SLC16A7: variants seen among roughly 807,000 people sequenced by gnomAD.
The protein encoded by SLC16A7 is monocarboxylate transporter 2.
SLC16A7 carries 33 observed loss-of-function variants against 34.9 expected under a neutral mutation model. The ratio of observed to expected loss-of-function variants is 0.94; its 90% CI spans 0.72 to 1.26. The LOEUF is 1.26. SLC16A7 is among the 50% of genes most tolerant of loss of function. The pLI is 0.00. For synonymous variants in SLC16A7, 201 were observed against 206.6 expected, an observed-to-expected ratio of 0.97 and a Z score of 0.23; for missense variants, 573 against 578.1, an observed-to-expected ratio of 0.99 and a Z score of 0.09.
intron 1 of SLC16A7, among the ~76,000 whole-genome samples, chr12:59,612,553 T>C (rs1879247693): frequency 6.6e-6 from 1 of 152,218 alleles, no homozygotes; most frequent in Non-Finnish European, 1.5e-5. Context: ...TTGTTACTTA[T>C]GCAAATTTCT....
intron 1 of SLC16A7, among the ~76,000 whole-genome samples, chr12:59,632,398 T>A (rs1208124686): frequency 6.6e-6 from 1 of 151,990 alleles, no homozygotes; most frequent in Non-Finnish European, 1.5e-5. Context: ...ATATTTCAGA[T>A]GGGATAATTC....
chr12:59,646,995 C>T (rs185048097), intron 1 of SLC16A7, among the ~76,000 whole-genome samples: 1 of 152,082 alleles, frequency 6.6e-6, no homozygotes, highest in African/African-American at 2.4e-5. Context: ...CCCATTGTAT[C>T]TAGGAAGTAA....
rs1328172450 is a variant in SLC16A7, at chr12:59,783,091, A to T, written c.*3412A>T. ...ATATATGATATAAATGTAAGTTTTT[A>T]TGTAGATGACATAAATATGAAGAGA... On this transcript the variant is annotated 3_prime_UTR_variant, in exon 6 of 6. Transcript: ENST00000547379. The T allele has an allele frequency of 6.6e-6, 1 of 152,204 alleles. No homozygotes were observed. The highest frequency in any genetic ancestry group is 1.5e-5 in the Non-Finnish European group (1 of 68,032). The allele number at this position is 152,204 out of a possible 1,614,324, so 9.4% of individuals were successfully genotyped here.
intron 1 of SLC16A7, among the ~76,000 whole-genome samples, chr12:59,620,206 C>A (rs963998280): frequency 6.6e-5 from 10 of 151,618 alleles, no homozygotes; most frequent in Admixed American, 6.6e-4. Flanking sequence ...TTGTTCCCTG[C>A]CTATGAAAAA....
Position 59,779,405 on chromosome 12 carries a change from A to T in SLC16A7, c.1181-18A>T. The T allele has an allele frequency of 6.5e-7, 1 of 1,548,442 alleles. No individual in the cohort carries two copies. The highest frequency in any genetic ancestry group is 1.4e-5 in the African/African-American group (1 of 72,946). On this transcript the variant is annotated intron_variant, in intron 5 of 5. Transcript: ENST00000547379. The stretch of plus-strand genomic sequence containing the variant: ...CTGTTTTATTATGCCAACTTAAAAG[A>T]TGTTCTTTGTCTTCTAGGTAAATTG...
chr12:59,661,770 TAA>T (rs1308496271), intron 2 of SLC16A7, among the ~76,000 whole-genome samples: 2 of 152,100 alleles, frequency 1.3e-5, no homozygotes, highest in Non-Finnish European at 2.9e-5. Flanking sequence ...TAGGATGTAT[TAA>T]AACTTTAAAG....
chr12:59,617,601 T>C (rs967666315), intron 1 of SLC16A7, among the ~76,000 whole-genome samples: 23 of 152,026 alleles, frequency 1.5e-4, no homozygotes, highest in African/African-American at 5.3e-4. Flanking sequence ...TTACAATGCA[T>C]GTCGAAGTAG....
chr12:59,673,115 C>A (rs537779172), intron 2 of SLC16A7, among the ~76,000 whole-genome samples: 1 of 152,078 alleles, frequency 6.6e-6, no homozygotes, highest in Non-Finnish European at 1.5e-5. Context: ...AAGTAACTTA[C>A]AAGGTTCTTA....
At chr12:59,737,431 A>G (rs1877728526) in intron 3 of SLC16A7, among the ~76,000 whole-genome samples, 1 of 152,190 alleles carries the variant, frequency 6.6e-6, no homozygotes. Context: ...ACCTTTTAAA[A>G]TAGTCAGTCC....
At chr12:59,777,498 C>T (rs930091999) in intron 5 of SLC16A7, among the ~76,000 whole-genome samples, 1 of 152,042 alleles carries the variant, frequency 6.6e-6, no homozygotes, top group Non-Finnish European at 1.5e-5. Flanking sequence ...TTTTTTCAGA[C>T]TGAACTTTCA....
chr12:59,752,022 T>C (rs1287918861), intron 3 of SLC16A7, among the ~76,000 whole-genome samples: 2 of 151,860 alleles, frequency 1.3e-5, no homozygotes, highest in Admixed American at 1.3e-4. Flanking sequence ...TCTAGCAAAC[T>C]CCAACAGACC....
chr12:59,779,759 A>G lies in SLC16A7; in HGVS notation c.*80A>G, dbSNP rs895975270. On this transcript the variant is annotated 3_prime_UTR_variant, in exon 6 of 6. Transcript: ENST00000547379. ...TCATTTTGTTTTTTTAAAGTATTAG[A>G]AAAGGTTTTAGCTGAAATGAGGAGT... The G allele has an allele frequency of 1.9e-5, 23 of 1,198,830 alleles. No individual in the cohort carries two copies. In the African/African-American group the frequency reaches 2.6e-4, roughly 14 times the overall value. The allele number at this position is 1,198,830 out of a possible 1,614,324, so 74.3% of individuals were successfully genotyped here. A position where few individuals can be genotyped will look rare whatever the true frequency, so the allele number is the denominator to read the frequency against.
chr12:59,665,899 C>A (rs558736723), intron 2 of SLC16A7, among the ~76,000 whole-genome samples: 6 of 150,922 alleles, frequency 4.0e-5, no homozygotes, highest in Non-Finnish European at 8.8e-5. Context: ...TATCTTTATT[C>A]GGCAAGTATC....
intron 2 of SLC16A7, among the ~76,000 whole-genome samples, chr12:59,673,544 CAT>C (rs1870064710): frequency 1.3e-5 from 2 of 151,494 alleles, no homozygotes; most frequent in South Asian, 2.1e-4. Context: ...AAATATTTCA[CAT>C]GAGCACTTAA....
At chr12:59,721,666 C>T (rs1875609068) in intron 3 of SLC16A7, among the ~76,000 whole-genome samples, 1 of 151,784 alleles carries the variant, frequency 6.6e-6, no homozygotes, top group African/African-American at 2.4e-5. Context: ...TGCCCCCACT[C>T]CAATCAGAAT....
At chr12:59,626,824 A>G (rs1013157100) in intron 1 of SLC16A7, among the ~76,000 whole-genome samples, 1 of 151,812 alleles carries the variant, frequency 6.6e-6, no homozygotes, top group East Asian at 1.9e-4. Flanking sequence ...AAACATATAG[A>G]TTGTGACCAG....
intron 2 of SLC16A7, among the ~76,000 whole-genome samples, chr12:59,656,525 A>C (rs1592441823): frequency 6.6e-6 from 1 of 151,936 alleles, no homozygotes; most frequent in Non-Finnish European, 1.5e-5. Flanking sequence ...TCTCTCCTAA[A>C]CCTTCCACTC....
chr12:59,731,754 C>G (rs1876979595), intron 3 of SLC16A7, among the ~76,000 whole-genome samples: 1 of 152,086 alleles, frequency 6.6e-6, no homozygotes, highest in South Asian at 2.1e-4. Flanking sequence ...CTGAAAATGA[C>G]TGAATGCCTT....
At chr12:59,697,600 T>C (rs1049096663) in intron 2 of SLC16A7, among the ~76,000 whole-genome samples, 3 of 151,900 alleles carry the variant, frequency 2.0e-5, no homozygotes, top group Admixed American at 6.6e-5. Context: ...AATATTCCTT[T>C]CCTTTACTTT....
Sources: gnomAD v4.1 joint callset for allele counts (sites outside exome capture counted in the v4.1 genomes callset) on GRCh38, gnomAD v4.1.1 for gene constraint, MANE v1.5 for transcripts, NCBI Gene and HGNC (gene_info 2026-07-23, HGNC 2026-07-21) for gene names.